HTR2B: variants seen among roughly 807,000 people sequenced by gnomAD.
HTR2B encodes the protein 5-HT 2B receptor.
HTR2B carries 31 observed loss-of-function variants against 39.8 expected under a neutral mutation model. The observed-to-expected ratio is 0.78, with a 90% confidence interval of 0.58 to 1.05. HTR2B has a LOEUF of 1.05. Among genes scored for constraint, HTR2B ranks in the 50% least tolerant of loss-of-function variants. The pLI is 0.00. For synonymous variants in HTR2B, 210 were observed against 207.1 expected, an observed-to-expected ratio of 1.01 and a Z score of -0.12; for missense variants, 562 against 578.0, an observed-to-expected ratio of 0.97 and a Z score of 0.28.
Position 231,109,190 on chromosome 2 carries a change from C to A in HTR2B, c.773G>T (p.Arg258Leu), listed in dbSNP as rs148453128. ...TGTAGACACAGTCAACCATGTTAGG[C>A]GTTGAGGTGGCTTGTTTTTGACTAA... ...AYLVKNKPPQRLTWLTVSTVF... is the reference protein window; with the variant it reads ...AYLVKNKPPQLLTWLTVSTVF... The change falls in exon 4 of 4, where the codon CGC becomes CTC. Residue 258 changes from arginine (R) to leucine (L), a missense_variant. Transcript: ENST00000258400. The A allele has an allele frequency of 2.5e-6, 4 of 1,614,106 alleles. No individual in the cohort carries two copies. In the African/African-American group the frequency reaches 4.0e-5, roughly 16 times the overall value.
chr2:231,122,675 A>G (rs995676233), intron 2 of HTR2B, among the ~76,000 whole-genome samples: 18 of 152,120 alleles, frequency 1.2e-4, no homozygotes, highest in African/African-American at 4.3e-4. Context: ...TCTTTTTTTT[A>G]TTATAGCAAA....
At chr2:231,115,009 A>G (rs1303058898) in intron 2 of HTR2B, among the ~76,000 whole-genome samples, 1 of 152,158 alleles carries the variant, frequency 6.6e-6, no homozygotes, top group Admixed American at 6.5e-5. Flanking sequence ...GATAAAATGT[A>G]ATCTACTTTT....
At chr2:231,115,208 A>G (rs1210470969) in intron 2 of HTR2B, among the ~76,000 whole-genome samples, 1 of 151,906 alleles carries the variant, frequency 6.6e-6, no homozygotes, top group African/African-American at 2.4e-5. Flanking sequence ...AAAAAAGCAT[A>G]ATTTAGGGGC....
intron 3 of HTR2B, 63 bp from the exon 4 acceptor site, chr2:231,109,472 C>G: frequency 7.3e-7 from 1 of 1,368,124 alleles, no homozygotes; most frequent in East Asian, 2.3e-5. Context: ...TCGATTAGAT[C>G]CTTTTGGATT....
Position 231,123,415 on chromosome 2 carries a change from A to G in HTR2B, c.350T>C (p.Phe117Ser), listed in dbSNP as rs1695614599. 6.2e-7 allele frequency: 1 copy of G among 1,611,050 alleles called. No individual in the cohort carries two copies. The part of the protein sequence containing the change: ...VMPIALLTIM[F>S]EAMWPLPLVL... ...CACAAACAAAGTGAAATACTTACCA[A>G]ACATTATTGTCAAGAGGGCAATTGG... Residue 117 changes from phenylalanine to serine, a missense_variant and splice_region_variant, in exon 2 of 4, where the codon TTT becomes TCT. Phe to Ser is a radical substitution (Grantham distance 155). Coordinates refer to ENST00000258400, the MANE Select transcript of HTR2B (RefSeq NM_000867.5).
intron 1 of HTR2B, among the ~76,000 whole-genome samples, chr2:231,124,514 T>A (rs1005766047): frequency 6.6e-6 from 1 of 152,120 alleles, no homozygotes; most frequent in Non-Finnish European, 1.5e-5. Flanking sequence ...TTATATGTAA[T>A]TAGCTTTGTC....
chr2:231,123,301 A>T, intron 2 of HTR2B, 112 bp downstream of exon 2: 1 of 817,732 alleles, frequency 1.2e-6, no homozygotes, highest in Non-Finnish European at 2.1e-6. Flanking sequence ...ATCTTTAAAT[A>T]GTCCAAGTTC....
chr2:231,113,847 A>G lies in HTR2B; in HGVS notation c.435T>C (p.His145=). Residue 145 remains histidine, a synonymous_variant, in exon 3 of 4, where the codon CAT becomes CAC. Transcript: ENST00000258400. ...DVLFSTASIM[H]LCAISVDRYI... ...AACGATCCACTGAAATGGCACAGAG[A>G]TGCATGATGGATGCGGTTGAAAAGA... 1.2e-6 allele frequency: 2 copies of G among 1,614,186 alleles called. No homozygotes were observed. Among genetic ancestry groups the G allele is most frequent in the Non-Finnish European group, 1.7e-6 (2 of 1,180,008 alleles).
Position 231,124,015 on chromosome 2 carries a change from AAG to A in HTR2B, c.-253_-252del. ...GCTTAAATTTAGGAAAGCTCAGTGA[AAG>A]AAACTGATAGCTGTGAAAAAAATAG... On this transcript the variant is annotated 5_prime_UTR_variant, in exon 2 of 4. The change abolishes the stop of an existing upstream ORF in the 5' untranslated region. Coordinates refer to ENST00000258400, the MANE Select transcript of HTR2B (RefSeq NM_000867.5). The A allele has an allele frequency of 2.1e-6, 1 of 469,632 alleles. No homozygotes were observed. Among genetic ancestry groups the A allele is most frequent in the South Asian group, 2.4e-5 (1 of 41,196 alleles). 29.1% of individuals were successfully genotyped at this position (469,632 alleles called of 1,614,324 possible).
At position 231,123,953 on chromosome 2, in the gene HTR2B, G is replaced by A. The variant is rs1002660735; in HGVS notation, c.-189C>T. 1.9e-4 allele frequency: 114 copies of A among 602,688 alleles called. 1 individual carries two copies. Among genetic ancestry groups the A allele is most frequent in the Non-Finnish European group, 1.0e-4 (35 of 337,396 alleles). The allele number at this position is 602,688 out of a possible 1,614,324, so 37.3% of individuals were successfully genotyped here. On this transcript the variant is annotated 5_prime_UTR_variant, in exon 2 of 4. Transcript: ENST00000258400. ...CGCATACACACATCTGTCCATGTTTGTAGGTAAGATATCCAAGTATTTATT... is the reference window on the plus strand; with the variant it reads ...CGCATACACACATCTGTCCATGTTTATAGGTAAGATATCCAAGTATTTATT...
In HTR2B at chr2:231,109,263, T is replaced by A; in HGVS notation, c.700A>T (p.Ile234Phe). The A allele has an allele frequency of 1.2e-6, 2 of 1,614,128 alleles. No homozygotes were observed. The highest frequency in any genetic ancestry group is 1.7e-6 in the Non-Finnish European group (2 of 1,180,004). ...TGGATAGTGAGAAAGTAGGTGACAA[T>A]CATAATTGCAAGAGGTGTGAAGAAG... ...AAFFTPLAIM[I>F]VTYFLTIHAL... The change falls in exon 4 of 4, where the codon ATT becomes TTT. Residue 234 changes from isoleucine (I) to phenylalanine (F), a missense_variant. Ile to Phe is a conservative substitution (Grantham distance 21). Transcript: ENST00000258400.
intron 3 of HTR2B, 79 bp downstream of exon 3, chr2:231,113,650 C>T (rs956321172): frequency 4.7e-6 from 6 of 1,270,490 alleles, no homozygotes; most frequent in Admixed American, 3.4e-5. Flanking sequence ...GTTTCATTGC[C>T]TACCAGACCT....
At position 231,123,721 on chromosome 2, in the gene HTR2B, G is replaced by A. The variant is rs377111984; in HGVS notation, c.44C>T (p.Pro15Leu). Residue 15 changes from proline to leucine, a missense_variant, in exon 2 of 4, where the codon CCT (proline) becomes CTT (leucine). Coordinates refer to ENST00000258400, the MANE Select transcript of HTR2B (RefSeq NM_000867.5). ...AAAGGTGCTCTGCAAAATGTGCTCA[G>A]GAATTGTGCTTTGAAGTTCAGACAC... is the stretch of plus-strand genomic sequence containing the variant. ...YRVSELQSTI[P>L]EHILQSTFVH... 25 of 1,613,948 alleles carry A rather than the reference G, an allele frequency of 1.5e-5. No individual in the cohort carries two copies. Among genetic ancestry groups the A allele is most frequent in the Non-Finnish European group, 2.0e-5 (24 of 1,179,948 alleles).
In HTR2B at chr2:231,108,340, C is replaced by T; in HGVS notation, c.*177G>A. 2 of 561,750 alleles carry T rather than the reference C, an allele frequency of 3.6e-6. No individual in the cohort carries two copies. Among genetic ancestry groups the T allele is most frequent in the East Asian group, 5.9e-5 (2 of 34,024 alleles). 34.8% of individuals were successfully genotyped at this position (561,750 alleles called of 1,614,324 possible). Reference sequence around the variant, plus strand: ...TTTGTAGCTATATAAAATTATTTTCCTCATGGAATAATCTTGTCCAAATTA... The same window carrying T: ...TTTGTAGCTATATAAAATTATTTTCTTCATGGAATAATCTTGTCCAAATTA... On this transcript the variant is annotated 3_prime_UTR_variant, in exon 4 of 4. Transcript: ENST00000258400.
chr2:231,116,833 G>A (rs1695353285), intron 2 of HTR2B, among the ~76,000 whole-genome samples: 1 of 152,064 alleles, frequency 6.6e-6, no homozygotes, highest in Non-Finnish European at 1.5e-5. Context: ...AAATTTATAA[G>A]AGAGATGAAT....
Position 231,109,107 on chromosome 2 carries a change from C to G in HTR2B, c.856G>C (p.Gly286Arg), listed in dbSNP as rs1340269452. 1.2e-6 allele frequency: 2 copies of G among 1,614,030 alleles called. No homozygotes were observed. The highest frequency in any genetic ancestry group is 2.7e-5 in the African/African-American group (2 of 74,930). Residue 286 changes from glycine (G) to arginine (R), a missense_variant, in exon 4 of 4, where the codon GGT becomes CGT. Transcript: ENST00000258400. Reference sequence around the variant, plus strand: ...GGCAGAGCCTTGTCCTTTCGAGAACCATCCAGCATTGCCACCTTTTCCGGT... The same window carrying G: ...GGCAGAGCCTTGTCCTTTCGAGAACGATCCAGCATTGCCACCTTTTCCGGT... ...SSPEKVAMLD[G>R]SRKDKALPNS...
At chr2:231,117,791 C>T (rs145109996) in intron 2 of HTR2B, among the ~76,000 whole-genome samples, 11 of 152,086 alleles carry the variant, frequency 7.2e-5, no homozygotes, top group African/African-American at 9.7e-5. Flanking sequence ...TATAGGTTGA[C>T]GCACAAGTAT....
chr2:231,113,320 CT>C (rs924861751), intron 3 of HTR2B, among the ~76,000 whole-genome samples: 2 of 152,000 alleles, frequency 1.3e-5, no homozygotes, highest in African/African-American at 4.8e-5. Flanking sequence ...TGTTTTTTCT[CT>C]TATTAATCTT....
chr2:231,108,320 A>G lies in HTR2B; in HGVS notation c.*197T>C. Reference sequence around the variant, plus strand: ...AGAGTGCTGGATTGTTTTCATTTGTAGCTATATAAAATTATTTTCCTCATG... The same window carrying G: ...AGAGTGCTGGATTGTTTTCATTTGTGGCTATATAAAATTATTTTCCTCATG... On this transcript the variant is annotated 3_prime_UTR_variant, in exon 4 of 4. Transcript: ENST00000258400. 3.7e-6 allele frequency: 2 copies of G among 538,718 alleles called. No homozygotes were observed. The highest frequency in any genetic ancestry group is 6.5e-6 in the Non-Finnish European group (2 of 306,106). The allele number at this position is 538,718 out of a possible 1,614,324, so 33.4% of individuals were successfully genotyped here. A position where few individuals can be genotyped will look rare whatever the true frequency, so the allele number is the denominator to read the frequency against.
Sources: gnomAD v4.1 joint callset for allele counts (sites outside exome capture counted in the v4.1 genomes callset) on GRCh38, gnomAD v4.1.1 for gene constraint, MANE v1.5 for transcripts, NCBI Gene and HGNC (gene_info 2026-07-23, HGNC 2026-07-21) for gene names.